Variants in PPP6R3 observed in about 807,000 individuals in gnomAD.
The protein encoded by PPP6R3 is protein phosphatase 6 regulatory subunit 3.
Under a neutral mutation model 110.7 loss-of-function variants are expected in PPP6R3, and 38 were observed. The ratio of observed to expected loss-of-function variants is 0.34; its 90% CI spans 0.26 to 0.45. The LOEUF is 0.45. Ranked by LOEUF, PPP6R3 falls within the 20% of genes least tolerant of loss-of-function variation. The pLI is 1.00. For missense variants in PPP6R3, 870 were observed against 1,062.4 expected, an observed-to-expected ratio of 0.82 and a Z score of 2.52; for synonymous variants, 369 against 373.5, an observed-to-expected ratio of 0.99 and a Z score of 0.14.
intron 5 of PPP6R3, among the ~76,000 whole-genome samples, chr11:68,550,101 T>C (rs1268639021): frequency 2.6e-5 from 4 of 152,236 alleles, no homozygotes; most frequent in Non-Finnish European, 4.4e-5. Context: ...TAGAGATCTG[T>C]AATCTCAGGT....
rs201796942 is a variant in PPP6R3 at position 68,583,711 on chromosome 11, TGTTA to T, written c.1632+586_1632+589del. ...ATAAATGTACTGATTTATCATCCAT[TGTTA>T]GTTCTTGGAGAAGTGACAAATGATT... On this transcript the variant is annotated intron_variant, in intron 15 of 23. Transcript: ENST00000393800. Among the ~76,000 whole-genome samples the T allele has an allele frequency of 4.1e-3, 623 of 152,300 alleles. 3 individuals are homozygous for T. The highest frequency in any genetic ancestry group is 0.014 in the Middle Eastern group (4 of 294).
At chr11:68,570,521 A>G (rs1555171520) in intron 11 of PPP6R3, among the ~76,000 whole-genome samples, 1 of 152,266 alleles carries the variant, frequency 6.6e-6, no homozygotes, top group Non-Finnish European at 1.5e-5. Flanking sequence ...AGCCCTGCAC[A>G]TTCCAGTATT....
chr11:68,566,178 C>G (rs1184841389), intron 9 of PPP6R3, among the ~76,000 whole-genome samples: 1 of 152,182 alleles, frequency 6.6e-6, no homozygotes, highest in East Asian at 1.9e-4. Flanking sequence ...AGATTTGGCT[C>G]AGACTGAGGA....
At chr11:68,528,984 C>T (rs758595115) in intron 2 of PPP6R3, among the ~76,000 whole-genome samples, 5 of 152,286 alleles carry the variant, frequency 3.3e-5, no homozygotes, top group African/African-American at 9.6e-5. Context: ...CTTATAAACT[C>T]GGCCAGAGGT....
At chr11:68,542,339 G>A (rs1355160358) in intron 3 of PPP6R3, among the ~76,000 whole-genome samples, 3 of 150,822 alleles carry the variant, frequency 2.0e-5, no homozygotes, top group African/African-American at 7.3e-5. Context: ...AGGAGGAGGG[G>A]TCTTGCCGAG....
At chr11:68,511,306 C>T (rs1486989658) in intron 1 of PPP6R3, among the ~76,000 whole-genome samples, 2 of 151,648 alleles carry the variant, frequency 1.3e-5, no homozygotes, top group Non-Finnish European at 2.9e-5. Context: ...ACCTTGTGAT[C>T]CGCCCGCCTT....
chr11:68,615,325 T>C lies in PPP6R3; in HGVS notation c.*2208T>C, dbSNP rs1275098913. The stretch of plus-strand genomic sequence containing the variant: ...AACAAAAATAAAGCCTGATTCTTTG[T>C]TTCTAGAAATCTCTTGTACCTTGCT... On this transcript the variant is annotated 3_prime_UTR_variant, in exon 24 of 24. Coordinates refer to ENST00000393800, the MANE Select transcript of PPP6R3 (RefSeq NM_001164161.2). The C allele has an allele frequency of 2.8e-6, 1 of 353,740 alleles. No homozygotes were observed. The highest frequency in any genetic ancestry group is 5.6e-6 in the Non-Finnish European group (1 of 180,008). The allele number at this position is 353,740 out of a possible 1,614,324, so 21.9% of individuals were successfully genotyped here. A position where few individuals can be genotyped will look rare whatever the true frequency, so the allele number is the denominator to read the frequency against.
intron 9 of PPP6R3, among the ~76,000 whole-genome samples, chr11:68,566,176 C>T (rs946419719): frequency 3.3e-5 from 5 of 152,188 alleles, no homozygotes; most frequent in African/African-American, 9.6e-5. Context: ...ACAGATTTGG[C>T]TCAGACTGAG....
chr11:68,488,006 G>T (rs2098959249), intron 1 of PPP6R3, among the ~76,000 whole-genome samples: 1 of 152,172 alleles, frequency 6.6e-6, no homozygotes, highest in African/African-American at 2.4e-5. Flanking sequence ...CTCCCTTGCA[G>T]TTCTATCAGT....
chr11:68,475,492 G>A (rs1369272572), intron 1 of PPP6R3, among the ~76,000 whole-genome samples: 6 of 151,766 alleles, frequency 4.0e-5, no homozygotes, highest in Admixed American at 1.3e-4. Flanking sequence ...AGGGGCGGCC[G>A]AGCAGAGGTG....
chr11:68,484,373 G>T (rs1035031339), intron 1 of PPP6R3, among the ~76,000 whole-genome samples: 2 of 152,108 alleles, frequency 1.3e-5, no homozygotes, highest in Non-Finnish European at 2.9e-5. Flanking sequence ...ACAGTGTTTG[G>T]TGATGTGTCT....
At chr11:68,545,411 G>T (rs981602163) in intron 4 of PPP6R3, among the ~76,000 whole-genome samples, 4 of 152,140 alleles carry the variant, frequency 2.6e-5, no homozygotes, top group Admixed American at 2.6e-4. Context: ...CAGAGATGAA[G>T]CTTAAACCAA....
At chr11:68,550,123 C>T (rs915326089) in intron 5 of PPP6R3, among the ~76,000 whole-genome samples, 2 of 152,132 alleles carry the variant, frequency 1.3e-5, no homozygotes, top group Non-Finnish European at 2.9e-5. Flanking sequence ...TCTTCCTTGG[C>T]CTACTGAATC....
chr11:68,492,797 C>T (rs1050135240), intron 1 of PPP6R3, among the ~76,000 whole-genome samples: 9 of 152,194 alleles, frequency 5.9e-5, no homozygotes, highest in Non-Finnish European at 1.3e-4. Context: ...TAGACATGAG[C>T]TGTACAGTGG....
At chr11:68,590,349 T>G (rs2099591421) in intron 16 of PPP6R3, among the ~76,000 whole-genome samples, 1 of 152,162 alleles carries the variant, frequency 6.6e-6, no homozygotes, top group Admixed American at 6.5e-5. Flanking sequence ...TTCTTGGTTA[T>G]ATTAGTATGG....
At position 68,571,868 on chromosome 11, in the gene PPP6R3, C is replaced by T. The variant is rs185125810; in HGVS notation, c.1343+764C>T. On this transcript the variant is annotated intron_variant, in intron 12 of 23. Coordinates refer to ENST00000393800, the MANE Select transcript of PPP6R3 (RefSeq NM_001164161.2). ...TGACTGATGCCTGAAGTCACCATCA[C>T]CACAATCAAGACATTTCTGTCACCC... Among the ~76,000 whole-genome samples the T allele has an allele frequency of 3.9e-5, 6 of 152,240 alleles. No individual in the cohort carries two copies. The East Asian group carries it at 1.2e-3, about 29-fold the overall frequency.
intron 22 of PPP6R3, among the ~76,000 whole-genome samples, chr11:68,607,577 G>C (rs1218552796): frequency 6.6e-6 from 1 of 152,228 alleles, no homozygotes; most frequent in Non-Finnish European, 1.5e-5. Flanking sequence ...TGCTTTTCAG[G>C]TGAGGAAACT....
chr11:68,560,894 CTTTTTTTTT>C (rs11295490), intron 8 of PPP6R3, among the ~76,000 whole-genome samples: 3 of 117,898 alleles, frequency 2.5e-5, no homozygotes, highest in African/African-American at 9.7e-5. Context: ...TTCCTTATAC[CTTTTTTTTT>C]TTTTTTTTTT....
At chr11:68,544,687 G>A in intron 3 of PPP6R3, 151 bp from the exon 4 acceptor site, 1 of 578,560 alleles carries the variant, frequency 1.7e-6, no homozygotes, top group Non-Finnish European at 2.9e-6. Context: ...CTGGAGGTAG[G>A]TTGAACAGAA....
Sources: allele counts gnomAD v4.1 joint callset (sites outside exome capture counted in the v4.1 genomes callset), GRCh38; gene constraint gnomAD v4.1.1; transcripts MANE v1.5; gene names NCBI Gene and HGNC (gene_info 2026-07-23, HGNC 2026-07-21).